The following ZMYM2 variants were observed in gnomAD, a reference collection of about 807,000 sequenced individuals.
ZMYM2 encodes zinc finger MYM-type protein 2.
In ZMYM2, 56 loss-of-function variants were observed where a neutral mutation model predicts 162.8. The ratio of observed to expected loss-of-function variants is 0.34; its 90% CI spans 0.28 to 0.43. ZMYM2 has a LOEUF of 0.43. Ranked by LOEUF, ZMYM2 falls within the 20% of genes least tolerant of loss-of-function variation. The pLI is 1.00. For synonymous variants in ZMYM2, 510 were observed against 541.6 expected, an observed-to-expected ratio of 0.94 and a Z score of 0.81; for missense variants, 1,275 against 1,621.8, an observed-to-expected ratio of 0.79 and a Z score of 3.67.
chr13:19,975,089 A>AT (rs1163609461), intron 2 of ZMYM2, among the ~76,000 whole-genome samples: 1 of 151,344 alleles, frequency 6.6e-6, no homozygotes, highest in East Asian at 1.9e-4. Context: ...CTTTGCCTTC[A>AT]TTTTATTACG....
At chr13:19,994,391 C>T (rs1325906711) in intron 3 of ZMYM2, among the ~76,000 whole-genome samples, 1 of 152,094 alleles carries the variant, frequency 6.6e-6, no homozygotes, top group Non-Finnish European at 1.5e-5. Context: ...TTACTTTTTG[C>T]TAATAGAATT....
the ZMYM2 span, among the ~76,000 whole-genome samples, chr13:19,884,733 A>T: frequency 6.6e-6 from 1 of 151,766 alleles, no homozygotes; most frequent in Admixed American, 6.6e-5. Flanking sequence ...AAAGACACAA[A>T]CTCTCGCGAT....
At chr13:19,932,342 G>A in the ZMYM2 span, among the ~76,000 whole-genome samples, 486 of 152,134 alleles carry the variant, frequency 3.2e-3, 3 homozygotes, top group African/African-American at 0.011. Context: ...TCCGATTAGC[G>A]CACTTATAAG....
chr13:19,983,908 G>A (rs372779334), intron 2 of ZMYM2, among the ~76,000 whole-genome samples: 7 of 152,238 alleles, frequency 4.6e-5, no homozygotes, highest in East Asian at 3.9e-4. Flanking sequence ...GATTACAGGC[G>A]TGAGCCACTG....
intron 14 of ZMYM2, among the ~76,000 whole-genome samples, chr13:20,052,748 A>G (rs1430495555): frequency 2.6e-5 from 4 of 152,238 alleles, no homozygotes; most frequent in Non-Finnish European, 5.9e-5. Context: ...ATAGGCATGA[A>G]AAGTAGGAGA....
intron 2 of ZMYM2, among the ~76,000 whole-genome samples, chr13:19,989,589 C>A (rs1949443279): frequency 6.6e-6 from 1 of 152,180 alleles, no homozygotes; most frequent in South Asian, 2.1e-4. Context: ...TGTTCTGATA[C>A]AGGCATGCAT....
the ZMYM2 span, among the ~76,000 whole-genome samples, chr13:19,933,511 A>G: frequency 6.6e-6 from 1 of 152,090 alleles, no homozygotes; most frequent in Admixed American, 6.6e-5. Context: ...AGCCTGACTG[A>G]TTTTTGTTCA....
chr13:19,980,921 G>T (rs554221854), intron 2 of ZMYM2, among the ~76,000 whole-genome samples: 1 of 152,062 alleles, frequency 6.6e-6, no homozygotes, highest in African/African-American at 2.4e-5. Context: ...ATTGAATCTT[G>T]CTTTGGAATT....
chr13:19,884,101 T>C, the ZMYM2 span, among the ~76,000 whole-genome samples: 1 of 152,182 alleles, frequency 6.6e-6, no homozygotes, highest in African/African-American at 2.4e-5. Flanking sequence ...CAGGGTAAAC[T>C]GGCACAAGCC....
chr13:20,018,267 T>C (rs1951784702), intron 6 of ZMYM2, among the ~76,000 whole-genome samples: 1 of 152,246 alleles, frequency 6.6e-6, no homozygotes. Flanking sequence ...AAATAGTGTT[T>C]CTTTTATTCT....
At chr13:19,949,670 T>C in the ZMYM2 span, among the ~76,000 whole-genome samples, 1 of 151,612 alleles carries the variant, frequency 6.6e-6, no homozygotes, top group African/African-American at 2.4e-5. Context: ...GGGCAGATCA[T>C]GAGATCAGGA....
the ZMYM2 span, among the ~76,000 whole-genome samples, chr13:19,945,345 G>A: frequency 5.9e-5 from 9 of 152,088 alleles, no homozygotes; most frequent in East Asian, 3.9e-4. Context: ...TCTGCCTCCC[G>A]GGTTCAAGCA....
intron 12 of ZMYM2, among the ~76,000 whole-genome samples, chr13:20,040,543 A>AC (rs1954154557): frequency 6.6e-6 from 1 of 151,418 alleles, no homozygotes; most frequent in Non-Finnish European, 1.5e-5. Context: ...ACGCAAAAAA[A>AC]TAAAAAAACA....
At chr13:19,937,109 A>C in the ZMYM2 span, among the ~76,000 whole-genome samples, 1 of 152,096 alleles carries the variant, frequency 6.6e-6, no homozygotes, top group South Asian at 2.1e-4. Flanking sequence ...TCTTAAAAAA[A>C]ATTTTAAAAA....
the ZMYM2 span, among the ~76,000 whole-genome samples, chr13:19,869,885 T>C: frequency 6.6e-6 from 1 of 152,336 alleles, no homozygotes; most frequent in South Asian, 2.1e-4. Context: ...TAATAGTCTA[T>C]TACTGCCTAA....
At chr13:20,074,732 GT>G (rs1957364866) in intron 21 of ZMYM2, among the ~76,000 whole-genome samples, 1 of 151,578 alleles carries the variant, frequency 6.6e-6, no homozygotes, top group Non-Finnish European at 1.5e-5. Flanking sequence ...TAGAGACGAG[GT>G]TTCACCGTGT....
At position 19,993,680 on chromosome 13, in the gene ZMYM2, A is replaced by G. The variant is rs1235993716; in HGVS notation, c.608A>G (p.Glu203Gly). 6.2e-7 allele frequency: 1 copy of G among 1,614,040 alleles called. No homozygotes were observed. Among genetic ancestry groups the G allele is most frequent in the Admixed American group, 1.7e-5 (1 of 60,028 alleles). ...AGCTCTGTGAATGATGGCCAATTAG[A>G]AAATACTGACGGGCGAGATATGAAC... is the stretch of plus-strand genomic sequence containing the variant. ...GVSSVNDGQL[E>G]NTDGRDMNLM... The change falls in exon 3 of 25, where the codon GAA (glutamate) becomes GGA (glycine). Residue 203 changes from glutamate to glycine, a missense_variant. Glu to Gly is a moderately conservative substitution (Grantham distance 98). Around this residue, in one of 10 missense-constraint regions of ZMYM2, gnomAD observed 295 missense variants for 286.7 expected, o/e 1.03. Transcript: ENST00000610343.
rs1028726879 is a variant in ZMYM2, at chr13:20,026,674, T to C, written c.1647T>C (p.Thr549=). The change falls in exon 8 of 25, where the codon ACT becomes ACC. Residue 549 remains threonine (T), a synonymous_variant. Coordinates refer to ENST00000610343, the MANE Select transcript of ZMYM2 (RefSeq NM_197968.4). ...CRTQCRFFDM[T]QCIGPNGYME... Reference sequence around the variant, plus strand: ...CACAGTGCAGGTTTTTTGATATGACTCAGTGTATAGGTCCTAATGGATATA... The same window carrying C: ...CACAGTGCAGGTTTTTTGATATGACCCAGTGTATAGGTCCTAATGGATATA... The C allele has an allele frequency of 2.5e-6, 4 of 1,611,018 alleles. No individual in the cohort carries two copies. The highest frequency in any genetic ancestry group is 1.7e-5 in the Admixed American group (1 of 59,152).
At chr13:19,905,075 G>A in the ZMYM2 span, among the ~76,000 whole-genome samples, 183 of 146,884 alleles carry the variant, frequency 1.2e-3, 2 homozygotes, top group Non-Finnish European at 1.2e-3. Context: ...GCAGTGGCAC[G>A]ATCTCGGCTC....
Sources: allele counts gnomAD v4.1 joint callset (sites outside exome capture counted in the v4.1 genomes callset), GRCh38; gene constraint gnomAD v4.1.1; regional missense constraint gnomAD v4.1.1; transcripts MANE v1.5; gene names NCBI Gene and HGNC (gene_info 2026-07-23, HGNC 2026-07-21).